Variants in RASGRF2 observed in about 807,000 individuals in gnomAD.
RASGRF2 encodes the protein Ras protein specific guanine nucleotide releasing factor 2.
In RASGRF2, 76 loss-of-function variants were observed where a neutral mutation model predicts 151.0. The ratio of observed to expected loss-of-function variants is 0.50; its 90% CI spans 0.42 to 0.61. The LOEUF is 0.61. RASGRF2 is among the 20% of genes least tolerant of loss of function. The pLI is 0.00. For missense variants in RASGRF2, 1,148 were observed against 1,564.6 expected (o/e 0.73, Z 4.49); for synonymous variants, 504 against 566.5 (o/e 0.89, Z 1.57).
intron 7 of RASGRF2, among the ~76,000 whole-genome samples, chr5:81,085,362 C>G (rs1242001330): frequency 6.6e-6 from 1 of 152,156 alleles, no homozygotes; most frequent in Non-Finnish European, 1.5e-5. Context: ...CATGTCTTCT[C>G]CCAAGTTTTA....
At chr5:81,059,246 TG>T (rs1751335801) in intron 2 of RASGRF2, among the ~76,000 whole-genome samples, 1 of 151,804 alleles carries the variant, frequency 6.6e-6, no homozygotes, top group African/African-American at 2.4e-5. Context: ...TAGCCGGGCC[TG>T]GTGGCAGGCG....
chr5:81,201,255 T>G, intron 18 of RASGRF2, 75 bp from the exon 19 acceptor site: 5 of 1,509,904 alleles, frequency 3.3e-6, no homozygotes, highest in East Asian at 4.6e-5. Flanking sequence ...GAATTTATCA[T>G]GGAGAATGGT....
chr5:81,088,460 G>C (rs1235346136), intron 9 of RASGRF2: 1 of 152,154 alleles, frequency 6.6e-6, no homozygotes, highest in African/African-American at 2.4e-5. Context: ...AAACTCTGAA[G>C]GGCAGCACTT....
chr5:81,005,325 A>C (rs1182558151), intron 1 of RASGRF2, among the ~76,000 whole-genome samples: 1 of 152,152 alleles, frequency 6.6e-6, no homozygotes, highest in Non-Finnish European at 1.5e-5. Context: ...CAGGAAGAAG[A>C]AATGCGAGCG....
At chr5:81,191,012 C>A (rs1268880582) in intron 18 of RASGRF2, among the ~76,000 whole-genome samples, 1 of 152,162 alleles carries the variant, frequency 6.6e-6, no homozygotes, top group African/African-American at 2.4e-5. Flanking sequence ...TTTGTCTCCC[C>A]ACTCTTGTAA....
At chr5:81,089,302 A>G (rs980153340) in intron 9 of RASGRF2, among the ~76,000 whole-genome samples, 1 of 152,092 alleles carries the variant, frequency 6.6e-6, no homozygotes, top group Non-Finnish European at 1.5e-5. Flanking sequence ...TGTGTTAATT[A>G]CTTTTAGGGA....
chr5:81,063,546 C>A (rs567367837), intron 2 of RASGRF2, among the ~76,000 whole-genome samples: 1 of 152,004 alleles, frequency 6.6e-6, no homozygotes, highest in Admixed American at 6.6e-5. Flanking sequence ...GCTCTCATTT[C>A]TTTATTATTA....
At chr5:81,109,427 G>C (rs963940190) in intron 13 of RASGRF2, among the ~76,000 whole-genome samples, 1 of 152,170 alleles carries the variant, frequency 6.6e-6, no homozygotes, top group Non-Finnish European at 1.5e-5. Flanking sequence ...AGGCCGAGGC[G>C]GGTGGATTAC....
chr5:81,221,368 T>TTATTTA (rs1755853136), intron 26 of RASGRF2, among the ~76,000 whole-genome samples: 1 of 152,184 alleles, frequency 6.6e-6, no homozygotes, highest in Non-Finnish European at 1.5e-5. Flanking sequence ...ATTCAATCAT[T>TTATTTA]TATTTATATC....
rs1417416345 is a variant in RASGRF2, at chr5:81,230,078, G to GGTTT, written c.*4311_*4314dup. The GGTTT allele has an allele frequency of 6.6e-6, 1 of 152,170 alleles. No homozygotes were observed. Among genetic ancestry groups the GGTTT allele is most frequent in the Non-Finnish European group, 1.5e-5 (1 of 68,026 alleles). 9.4% of individuals were successfully genotyped at this position (152,170 alleles called of 1,614,324 possible). On this transcript the variant is annotated 3_prime_UTR_variant, in exon 27 of 27. Transcript: ENST00000265080. Reference sequence around the variant, plus strand: ...GTGGACATTTGTGATTGGACAGAGGGGTTTGTGCTGTGGCCTAACACTTGC... The same window carrying GGTTT: ...GTGGACATTTGTGATTGGACAGAGGGGTTTGTTTGTGCTGTGGCCTAACACTTGC...
intron 19 of RASGRF2, among the ~76,000 whole-genome samples, chr5:81,202,463 T>G (rs948750294): frequency 6.6e-6 from 1 of 152,222 alleles, no homozygotes; most frequent in Admixed American, 6.5e-5. Flanking sequence ...CAACACCAGA[T>G]GTTGGTTTGT....
chr5:81,135,735 A>G (rs751460600), intron 17 of RASGRF2, among the ~76,000 whole-genome samples: 1 of 152,226 alleles, frequency 6.6e-6, no homozygotes, highest in Non-Finnish European at 1.5e-5. Context: ...TGATGCTGCT[A>G]TCAATGTTCA....
rs747408294 is a variant in RASGRF2, at chr5:81,207,283, C to T, written c.3005C>T (p.Ser1002Leu). ...CMKAECFESLSAMELAEQITL... is the reference protein window; with the variant it reads ...CMKAECFESLLAMELAEQITL... ...AAGGCCGAATGCTTTGAGTCCTTGTCGGCCATGGAGCTGGCAGAACAGATC... is the reference window on the plus strand; with the variant it reads ...AAGGCCGAATGCTTTGAGTCCTTGTTGGCCATGGAGCTGGCAGAACAGATC... The change falls in exon 21 of 27, where the codon TCG becomes TTG. Residue 1002 changes from serine (S) to leucine (L), a missense_variant. Physicochemically the swap from Ser to Leu is moderately radical, Grantham distance 145. This residue lies in a region of RASGRF2 where 646 missense variants were observed against 807.4 expected (regional missense o/e 0.80). Coordinates refer to ENST00000265080, the MANE Select transcript of RASGRF2 (RefSeq NM_006909.3). 8.4e-5 allele frequency: 135 copies of T among 1,613,972 alleles called. No homozygotes were observed. The highest frequency in any genetic ancestry group is 9.4e-5 in the Non-Finnish European group (111 of 1,180,022).
chr5:81,153,844 A>C (rs1249654953), intron 17 of RASGRF2, among the ~76,000 whole-genome samples: 2 of 152,046 alleles, frequency 1.3e-5, no homozygotes, highest in Non-Finnish European at 2.9e-5. Context: ...GACACAAATA[A>C]ATTGAAAGTA....
chr5:80,977,454 T>TTTATTTATTTATTTATTTAC (rs1473224257), intron 1 of RASGRF2, among the ~76,000 whole-genome samples: 8 of 151,748 alleles, frequency 5.3e-5, no homozygotes, highest in African/African-American at 1.9e-4. Flanking sequence ...CAAAATTTTA[T>TTTATTTATTTATTTATTTAC]TTATTTATTT....
chr5:80,970,722 T>C (rs1464556059), intron 1 of RASGRF2, among the ~76,000 whole-genome samples: 3 of 152,200 alleles, frequency 2.0e-5, no homozygotes, highest in African/African-American at 7.2e-5. Flanking sequence ...CATCAGTCTC[T>C]GACCAGCCCG....
At position 81,111,294 on chromosome 5, in the gene RASGRF2, G is replaced by A. The variant is rs554304656; in HGVS notation, c.1839-1316G>A. ...AAATGCTGCAGTGAAGGTGAACAAG[G>A]GATCTCAGAAGGGGAAGTGAAAGCT... On this transcript the variant is annotated intron_variant, in intron 13 of 26. Coordinates refer to ENST00000265080, the MANE Select transcript of RASGRF2 (RefSeq NM_006909.3). Among the ~76,000 whole-genome samples the A allele has an allele frequency of 5.3e-5, 8 of 152,272 alleles. No individual in the cohort carries two copies. In the South Asian group the frequency reaches 1.5e-3, roughly 28 times the overall value.
At chr5:81,086,094 C>A (rs996207992) in intron 8 of RASGRF2, among the ~76,000 whole-genome samples, 183 bp downstream of exon 8, 1 of 151,908 alleles carries the variant, frequency 6.6e-6, no homozygotes, top group Admixed American at 6.6e-5. Flanking sequence ...TCATTTGAAC[C>A]AAGAAAAATA....
At chr5:81,017,965 C>T (rs780737133) in intron 1 of RASGRF2, among the ~76,000 whole-genome samples, 5 of 151,992 alleles carry the variant, frequency 3.3e-5, no homozygotes, top group African/African-American at 4.8e-5. Context: ...AAAAATTAGC[C>T]GGACATGGTG....
Sources: allele counts gnomAD v4.1 joint callset (sites outside exome capture counted in the v4.1 genomes callset), GRCh38; gene constraint gnomAD v4.1.1; regional missense constraint gnomAD v4.1.1; transcripts MANE v1.5; gene names NCBI Gene and HGNC (gene_info 2026-07-23, HGNC 2026-07-21).